The following HECW2 variants were observed in gnomAD, a reference collection of about 807,000 sequenced individuals.
HECW2 encodes E3 ubiquitin-protein ligase HECW2.
Under a neutral mutation model 175.2 loss-of-function variants are expected in HECW2, and 61 were observed. The ratio of observed to expected loss-of-function variants is 0.35; its 90% CI spans 0.28 to 0.43. The LOEUF (loss-of-function observed/expected upper bound fraction) is 0.43. Ranked by LOEUF, HECW2 falls within the 20% of genes least tolerant of loss-of-function variation. The pLI is 1.00. For missense variants in HECW2, 1,524 were observed against 2,000.5 expected (o/e 0.76, Z 4.54); for synonymous variants, 671 against 731.0 (o/e 0.92, Z 1.32).
chr2:196,327,835 T>C (rs1481973781), intron 5 of HECW2, among the ~76,000 whole-genome samples: 1 of 152,204 alleles, frequency 6.6e-6, no homozygotes, highest in East Asian at 1.9e-4. Context: ...GAAGAAGCAT[T>C]TGGCTGTGCC....
chr2:196,457,851 G>A (rs1418951437), intron 1 of HECW2, among the ~76,000 whole-genome samples: 4 of 152,150 alleles, frequency 2.6e-5, no homozygotes, highest in Admixed American at 1.3e-4. Flanking sequence ...ACACAAGCAC[G>A]CTATACTTAG....
chr2:196,373,848 C>T (rs1035458269), intron 2 of HECW2, among the ~76,000 whole-genome samples: 10 of 151,968 alleles, frequency 6.6e-5, no homozygotes, highest in African/African-American at 1.7e-4. Context: ...CCGGCTAAAA[C>T]GGTGAAACCC....
At chr2:196,307,008 G>T in intron 12 of HECW2, 122 bp downstream of exon 12, 2 of 623,494 alleles carry the variant, frequency 3.2e-6, no homozygotes, top group South Asian at 2.3e-5. Flanking sequence ...TTTTGAGTTG[G>T]ATTACCAGAT....
chr2:196,529,122 T>C (rs1415790311), intron 1 of HECW2, among the ~76,000 whole-genome samples: 1 of 152,216 alleles, frequency 6.6e-6, no homozygotes. Context: ...TACCCTGTAA[T>C]ATTTAAGACA....
intron 20 of HECW2, among the ~76,000 whole-genome samples, chr2:196,241,788 T>C (rs907168534): frequency 6.6e-6 from 1 of 152,204 alleles, no homozygotes; most frequent in Admixed American, 6.5e-5. Flanking sequence ...GAATATACTA[T>C]GCACCAACAA....
chr2:196,300,522 T>C (rs1691005066), intron 13 of HECW2, among the ~76,000 whole-genome samples: 1 of 152,246 alleles, frequency 6.6e-6, no homozygotes, highest in Non-Finnish European at 1.5e-5. Context: ...CTGTTGTCTT[T>C]ACTTGTTAAT....
At chr2:196,455,705 A>G (rs899320685) in intron 1 of HECW2, among the ~76,000 whole-genome samples, 3 of 152,156 alleles carry the variant, frequency 2.0e-5, no homozygotes, top group Non-Finnish European at 4.4e-5. Context: ...AACTAAATTG[A>G]ACACATACTT....
At chr2:196,274,812 T>C (rs62184597) in intron 15 of HECW2, among the ~76,000 whole-genome samples, 6,288 of 152,306 alleles carry the variant, frequency 0.041, 189 homozygotes, top group South Asian at 0.11. Context: ...TACACACAAG[T>C]AGATAACCAA....
chr2:196,388,100 G>A (rs1450871427), intron 2 of HECW2, among the ~76,000 whole-genome samples: 2 of 151,924 alleles, frequency 1.3e-5, no homozygotes, highest in African/African-American at 2.4e-5. Flanking sequence ...AGACCAGACT[G>A]GGCAACGTAA....
At chr2:196,393,992 T>C (rs2125188663) in intron 2 of HECW2, among the ~76,000 whole-genome samples, 1 of 152,334 alleles carries the variant, frequency 6.6e-6, no homozygotes, top group Non-Finnish European at 1.5e-5. Flanking sequence ...GATGAGTTCA[T>C]GTCCTTTGTA....
chr2:196,225,995 G>T, intron 22 of HECW2, 125 bp from the exon 23 acceptor site: 1 of 620,848 alleles, frequency 1.6e-6, no homozygotes, highest in South Asian at 1.9e-5. Context: ...TGCCTACTAG[G>T]TAGTGAGAAT....
At chr2:196,476,839 A>C (rs1686641318) in intron 1 of HECW2, among the ~76,000 whole-genome samples, 1 of 149,992 alleles carries the variant, frequency 6.7e-6, no homozygotes, top group Non-Finnish European at 1.5e-5. Context: ...AGCTGGGTGC[A>C]ATGGCTCATG....
rs1196365834 is a variant in HECW2, at chr2:196,271,315, C to T, written c.3239-26G>A. On this transcript the variant is annotated intron_variant, in intron 16 of 28. Transcript: ENST00000644978. The stretch of plus-strand genomic sequence containing the variant: ...CTGAAAAAAAAATCAGAAAAGACAA[C>T]AATTTAAAAAAGAATCTATTTTTAG... The T allele has an allele frequency of 4.1e-6, 6 of 1,475,306 alleles. No homozygotes were observed. The Admixed American group carries it at 8.6e-5, about 21-fold the overall frequency. 91.4% of individuals were successfully genotyped at this position (1,475,306 alleles called of 1,614,324 possible). A position where few individuals can be genotyped will look rare whatever the true frequency, so the allele number is the denominator to read the frequency against.
chr2:196,379,529 CA>C (rs1439495325), intron 2 of HECW2, among the ~76,000 whole-genome samples: 1 of 151,546 alleles, frequency 6.6e-6, no homozygotes, highest in Non-Finnish European at 1.5e-5. Flanking sequence ...ACTAAAAATA[CA>C]AAAAATTAGC....
chr2:196,440,893 T>C (rs1036458631), intron 1 of HECW2, among the ~76,000 whole-genome samples: 1 of 152,114 alleles, frequency 6.6e-6, no homozygotes, highest in Admixed American at 6.6e-5. Context: ...TAACATGATG[T>C]AGCACTCCTT....
chr2:196,577,888 C>T (rs1274192941), intron 1 of HECW2, among the ~76,000 whole-genome samples: 1 of 152,148 alleles, frequency 6.6e-6, no homozygotes, highest in Admixed American at 6.6e-5. Flanking sequence ...CAACGAGCAA[C>T]AATACCACAT....
At chr2:196,368,886 C>T (rs1693828961) in intron 2 of HECW2, among the ~76,000 whole-genome samples, 1 of 152,020 alleles carries the variant, frequency 6.6e-6, no homozygotes. Context: ...TCTTTGTTTA[C>T]TTGAATTTCT....
At chr2:196,504,432 C>G (rs1402230977) in intron 1 of HECW2, among the ~76,000 whole-genome samples, 2 of 152,108 alleles carry the variant, frequency 1.3e-5, no homozygotes, top group Non-Finnish European at 2.9e-5. Context: ...GATGATCCTA[C>G]CTGACTGAGG....
chr2:196,425,335 G>A (rs555921965), intron 2 of HECW2, among the ~76,000 whole-genome samples: 2 of 152,008 alleles, frequency 1.3e-5, no homozygotes, highest in Admixed American at 1.3e-4. Flanking sequence ...TGTAGCCCAT[G>A]GGCCAAGGAG....
Sources: allele counts gnomAD v4.1 joint callset (sites outside exome capture counted in the v4.1 genomes callset), GRCh38; gene constraint gnomAD v4.1.1; transcripts MANE v1.5; gene names NCBI Gene and HGNC (gene_info 2026-07-23, HGNC 2026-07-21).